PLPPR5: variants seen among roughly 807,000 people sequenced by gnomAD.
The protein encoded by PLPPR5 is phospholipid phosphatase related 5, also known as phospholipid phosphatase-related protein type 5.
PLPPR5 carries 16 observed loss-of-function variants against 33.9 expected under a neutral mutation model. The ratio of observed to expected loss-of-function variants is 0.47; its 90% CI spans 0.32 to 0.72. PLPPR5 has a LOEUF of 0.72. PLPPR5 is among the 30% of genes least tolerant of loss of function. The pLI, the probability that PLPPR5 is intolerant of heterozygous loss-of-function variation, is 0.03. For synonymous variants in PLPPR5, 163 were observed against 150.3 expected (o/e 1.08, Z -0.62); for missense variants, 301 against 406.7 (o/e 0.74, Z 2.23).
rs1648297787 is a variant in PLPPR5, at chr1:98,892,126, A to G, written c.*946T>C. On this transcript the variant is annotated 3_prime_UTR_variant, in exon 6 of 6. Transcript: ENST00000263177. ...AGTAAAATACATTAACCATATTTCT[A>G]GCATTTATATAATTTAAATTATGTG... is the stretch of plus-strand genomic sequence containing the variant. 1 of 152,126 alleles carries G rather than the reference A, an allele frequency of 6.6e-6. No individual in the cohort carries two copies. The highest frequency in any genetic ancestry group is 1.5e-5 in the Non-Finnish European group (1 of 68,002). The allele number at this position is 152,126 out of a possible 1,614,324, so 9.4% of individuals were successfully genotyped here.
At chr1:98,957,954 C>G (rs898485038) in intron 1 of PLPPR5, among the ~76,000 whole-genome samples, 1 of 152,086 alleles carries the variant, frequency 6.6e-6, no homozygotes, top group African/African-American at 2.4e-5. Flanking sequence ...TAAGGTATTA[C>G]AGGAAGTATT....
chr1:98,980,841 A>G (rs1230115058), intron 1 of PLPPR5, among the ~76,000 whole-genome samples: 1 of 152,086 alleles, frequency 6.6e-6, no homozygotes, highest in Non-Finnish European at 1.5e-5. Context: ...TTGAATTTTA[A>G]TTCTATATTT....
intron 1 of PLPPR5, among the ~76,000 whole-genome samples, chr1:98,961,781 C>T (rs1428842069): frequency 1.3e-5 from 2 of 152,108 alleles, no homozygotes; most frequent in African/African-American, 2.4e-5. Flanking sequence ...CAGAGGCTCT[C>T]GTCAGTGAGT....
At position 98,890,609 on chromosome 1, in the gene PLPPR5, A is replaced by T. The variant is rs918948316; in HGVS notation, c.*2463T>A. On this transcript the variant is annotated 3_prime_UTR_variant, in exon 6 of 6. Transcript: ENST00000263177. ...AAAAGGAGATGTTTTTATCAGAAAG[A>T]TATGTGTTTGCCTGCTTTTACTAGA... is the stretch of plus-strand genomic sequence containing the variant. 3.9e-5 allele frequency: 6 copies of T among 152,554 alleles called. No homozygotes were observed. The East Asian group carries it at 7.7e-4, about 20-fold the overall frequency. 9.5% of individuals were successfully genotyped at this position (152,554 alleles called of 1,614,324 possible).
At chr1:98,990,054 G>A (rs1015250649) in intron 1 of PLPPR5, among the ~76,000 whole-genome samples, 7 of 152,116 alleles carry the variant, frequency 4.6e-5, no homozygotes, top group Non-Finnish European at 8.8e-5. Context: ...GTTAAAAAGT[G>A]TACAAAGTAT....
At chr1:98,966,333 G>A (rs1651451563) in intron 1 of PLPPR5, among the ~76,000 whole-genome samples, 1 of 152,160 alleles carries the variant, frequency 6.6e-6, no homozygotes, top group African/African-American at 2.4e-5. Flanking sequence ...TGAAGGTGAT[G>A]TCCTGAGAGG....
At chr1:98,927,665 A>G (rs1328719779) in intron 3 of PLPPR5, among the ~76,000 whole-genome samples, 3 of 152,160 alleles carry the variant, frequency 2.0e-5, no homozygotes, top group African/African-American at 7.2e-5. Context: ...AAGCCCTTCT[A>G]CTTTCTGTTA....
intron 3 of PLPPR5, among the ~76,000 whole-genome samples, chr1:98,949,673 C>G (rs1174111392): frequency 6.6e-6 from 1 of 152,100 alleles, no homozygotes; most frequent in African/African-American, 2.4e-5. Context: ...ATCAACTTTT[C>G]CCAAGGTGTC....
intron 4 of PLPPR5, among the ~76,000 whole-genome samples, chr1:98,921,248 A>G (rs1308157958): frequency 2.6e-5 from 4 of 152,230 alleles, no homozygotes; most frequent in Non-Finnish European, 5.9e-5. Context: ...ATTAGAAGTC[A>G]CTGTGTATGC....
chr1:98,979,103 T>C (rs1328019837), intron 1 of PLPPR5, among the ~76,000 whole-genome samples: 1 of 152,184 alleles, frequency 6.6e-6, no homozygotes, highest in East Asian at 1.9e-4. Context: ...ACCTCCCAGG[T>C]CCCAGGCATT....
intron 1 of PLPPR5, among the ~76,000 whole-genome samples, chr1:98,957,103 A>G (rs547337585): frequency 3.3e-4 from 50 of 150,302 alleles, no homozygotes; most frequent in Non-Finnish European, 4.9e-4. Context: ...ACCAAACACC[A>G]CATATTCTCA....
chr1:98,929,433 C>T (rs1649887243), intron 3 of PLPPR5, among the ~76,000 whole-genome samples: 1 of 152,146 alleles, frequency 6.6e-6, no homozygotes, highest in South Asian at 2.1e-4. Flanking sequence ...ACTTTCTTTA[C>T]AATATCCTTA....
At chr1:98,918,255 C>T (rs1649429616) in intron 4 of PLPPR5, among the ~76,000 whole-genome samples, 1 of 152,096 alleles carries the variant, frequency 6.6e-6, no homozygotes, top group Non-Finnish European at 1.5e-5. Flanking sequence ...GGGCAAGTTA[C>T]TTTATATAAT....
At chr1:98,948,487 A>G (rs909445743) in intron 3 of PLPPR5, among the ~76,000 whole-genome samples, 1 of 152,140 alleles carries the variant, frequency 6.6e-6, no homozygotes, top group Non-Finnish European at 1.5e-5. Context: ...TCCTCATTAC[A>G]GTGTGACTTC....
At chr1:98,991,166 A>ACACTG (rs1394869364) in intron 1 of PLPPR5, 1 of 152,082 alleles carries the variant, frequency 6.6e-6, no homozygotes, top group Non-Finnish European at 1.5e-5. Context: ...TGTTCTCTTA[A>ACACTG]GGTTTAGAAG....
chr1:98,919,258 A>G (rs543288008), intron 4 of PLPPR5, among the ~76,000 whole-genome samples: 1 of 152,204 alleles, frequency 6.6e-6, no homozygotes, highest in East Asian at 1.9e-4. Context: ...TATAGTGGAA[A>G]TTAACCTGGC....
chr1:99,002,957 CTT>C (rs756416172), intron 1 of PLPPR5, among the ~76,000 whole-genome samples: 21 of 142,146 alleles, frequency 1.5e-4, no homozygotes, highest in African/African-American at 4.9e-4. Context: ...AAAAATCGAC[CTT>C]TTTTTTTTTC....
At chr1:99,005,620 G>A (rs1394549443), upstream of PLPPR5, among the ~76,000 whole-genome samples, 2 of 152,102 alleles carry the variant, frequency 1.3e-5, no homozygotes, top group Non-Finnish European at 2.9e-5. Context: ...TGTGAGAGGA[G>A]GCATTGCAGA....
chr1:98,973,850 C>T (rs185957518), intron 1 of PLPPR5, among the ~76,000 whole-genome samples: 17 of 146,950 alleles, frequency 1.2e-4, no homozygotes, highest in African/African-American at 3.0e-4. Context: ...AGTGAGGTGC[C>T]GGTACTTAAT....
Sources: allele counts gnomAD v4.1 joint callset (sites outside exome capture counted in the v4.1 genomes callset), GRCh38; gene constraint gnomAD v4.1.1; transcripts MANE v1.5; gene names NCBI Gene and HGNC (gene_info 2026-07-23, HGNC 2026-07-21).